The following GSR variants were observed in gnomAD, a reference collection of about 807,000 sequenced individuals.
GSR encodes glutathione reductase, mitochondrial.
Under a neutral mutation model 56.5 loss-of-function variants are expected in GSR, and 48 were observed. The ratio of observed to expected loss-of-function variants is 0.85; its 90% confidence interval spans 0.67 to 1.08. The LOEUF is 1.08. Ranked by LOEUF, GSR falls within the 50% of genes least tolerant of loss-of-function variation. The pLI, the probability that GSR is intolerant of heterozygous loss-of-function variation, is 0.00. For missense variants in GSR, 694 were observed against 703.3 expected, an observed-to-expected ratio of 0.99 and a Z score of 0.15; for synonymous variants, 264 against 270.8, an observed-to-expected ratio of 0.97 and a Z score of 0.25.
chr8:30,696,884 A>G (rs1803561095), intron 6 of GSR, among the ~76,000 whole-genome samples: 1 of 152,122 alleles, frequency 6.6e-6, no homozygotes, highest in Admixed American at 6.6e-5. Context: ...TCTTTTGTAG[A>G]GACAGAGTCT....
At chr8:30,713,366 GT>G (rs375342804) in intron 1 of GSR, among the ~76,000 whole-genome samples, 11 of 147,012 alleles carry the variant, frequency 7.5e-5, no homozygotes, top group Admixed American at 2.1e-4. Context: ...TTGTTTGGTT[GT>G]TTTTTTTTTG....
At chr8:30,718,224 T>C (rs1000014435) in intron 1 of GSR, among the ~76,000 whole-genome samples, 1 of 152,136 alleles carries the variant, frequency 6.6e-6, no homozygotes, top group African/African-American at 2.4e-5. Context: ...ACAAAACTGG[T>C]TCCTGGTGCC....
At chr8:30,723,668 T>C (rs1804626661) in intron 1 of GSR, among the ~76,000 whole-genome samples, 1 of 151,988 alleles carries the variant, frequency 6.6e-6, no homozygotes, top group Admixed American at 6.6e-5. Flanking sequence ...GGCCTGCGCC[T>C]GTAGTCCCAG....
At chr8:30,681,191 C>T (rs1802944237) in intron 11 of GSR, among the ~76,000 whole-genome samples, 154 bp from the exon 12 acceptor site, 1 of 152,130 alleles carries the variant, frequency 6.6e-6, no homozygotes, top group Non-Finnish European at 1.5e-5. Context: ...AAATAAATGT[C>T]AGTGTCATAT....
chr8:30,688,293 G>A (rs1803229731), intron 9 of GSR, among the ~76,000 whole-genome samples: 1 of 152,170 alleles, frequency 6.6e-6, no homozygotes, highest in African/African-American at 2.4e-5. Flanking sequence ...AGAGGTGGCA[G>A]GCCGGCTGGG....
intron 1 of GSR, among the ~76,000 whole-genome samples, chr8:30,724,888 T>TA (rs1804675451): frequency 6.6e-6 from 1 of 152,074 alleles, no homozygotes; most frequent in Admixed American, 6.6e-5. Flanking sequence ...TTACATAAGA[T>TA]AAAGTAAAAG....
At chr8:30,717,727 C>T (rs1267390763) in intron 1 of GSR, among the ~76,000 whole-genome samples, 3 of 152,026 alleles carry the variant, frequency 2.0e-5, no homozygotes, top group African/African-American at 7.3e-5. Context: ...AGGGCTCCGT[C>T]GGAGTCTAGT....
intron 1 of GSR, among the ~76,000 whole-genome samples, chr8:30,726,622 G>C (rs148374221): frequency 4.9e-4 from 75 of 152,076 alleles, no homozygotes; most frequent in African/African-American, 1.7e-3. Flanking sequence ...TTAACTAGGC[G>C]TGGTGATTAG....
At chr8:30,725,912 A>G (rs1471333019) in intron 1 of GSR, among the ~76,000 whole-genome samples, 1 of 151,758 alleles carries the variant, frequency 6.6e-6, no homozygotes, top group Non-Finnish European at 1.5e-5. Flanking sequence ...AATTCATAAC[A>G]GGAAGGTAAA....
chr8:30,713,516 G>C (rs1030720103), intron 1 of GSR, among the ~76,000 whole-genome samples: 2 of 151,646 alleles, frequency 1.3e-5, no homozygotes, highest in African/African-American at 2.4e-5. Flanking sequence ...CTGCCATCCT[G>C]CCTGGCTAAT....
chr8:30,679,997 G>A (rs1262849132), intron 12 of GSR, among the ~76,000 whole-genome samples: 2 of 152,010 alleles, frequency 1.3e-5, no homozygotes, highest in South Asian at 2.1e-4. Context: ...GAGCCACGGT[G>A]TCTGACTGAT....
At chr8:30,681,901 C>A (rs1388885978) in intron 11 of GSR, 29 bp downstream of exon 11, 2 of 1,610,704 alleles carry the variant, frequency 1.2e-6, no homozygotes, top group Admixed American at 1.7e-5. Context: ...AAGGAAACCA[C>A]AAATGACCTT....
At chr8:30,724,029 C>G (rs908711669) in intron 1 of GSR, among the ~76,000 whole-genome samples, 1 of 152,144 alleles carries the variant, frequency 6.6e-6, no homozygotes, top group Non-Finnish European at 1.5e-5. Context: ...CTTCCCCAAG[C>G]GTTAGAAATT....
rs1444191281 is a variant in GSR, at chr8:30,678,371, T to A, written c.*1149A>T. On this transcript the variant is annotated 3_prime_UTR_variant, in exon 13 of 13. Coordinates refer to ENST00000221130, the MANE Select transcript of GSR (RefSeq NM_000637.5). ...TATATATATATATATTTTTTTTTTT[T>A]TTTTTTGAGACAGGGTCTTGCTCTG... is the stretch of plus-strand genomic sequence containing the variant. 6.8e-6 allele frequency: 1 copy of A among 146,536 alleles called. No individual in the cohort carries two copies. Among genetic ancestry groups the A allele is most frequent in the African/African-American group, 2.5e-5 (1 of 40,122 alleles). The allele number at this position is 146,536 out of a possible 1,614,324, so 9.1% of individuals were successfully genotyped here. A position where few individuals can be genotyped will look rare whatever the true frequency, so the allele number is the denominator to read the frequency against.
In GSR at chr8:30,693,060, A is replaced by G. The variant is rs760202730; in HGVS notation, c.796-5T>C. 3 of 1,570,112 alleles carry G rather than the reference A, an allele frequency of 1.9e-6. No homozygotes were observed. Among genetic ancestry groups the G allele is most frequent in the South Asian group, 2.2e-5 (2 of 90,276 alleles). ...TGAATCAAAACTTCTAAGTACCTGC[A>G]TATCAACATAGGGATGGGTAATGCG... On this transcript the variant is annotated splice_polypyrimidine_tract_variant and splice_region_variant and intron_variant, in intron 7 of 12. Coordinates refer to ENST00000221130, the MANE Select transcript of GSR (RefSeq NM_000637.5).
chr8:30,722,731 CAAAA>C (rs200083922), intron 1 of GSR, among the ~76,000 whole-genome samples: 2 of 112,726 alleles, frequency 1.8e-5, no homozygotes, highest in African/African-American at 4.2e-5. Flanking sequence ...GACCCTGTCT[CAAAA>C]AAAAAAAAAA....
intron 7 of GSR, among the ~76,000 whole-genome samples, chr8:30,694,244 G>C (rs1023082937): frequency 6.6e-6 from 1 of 152,104 alleles, no homozygotes; most frequent in African/African-American, 2.4e-5. Context: ...TAGAATCATA[G>C]CATCTTGGTA....
At chr8:30,681,652 T>C (rs1192495127) in intron 11 of GSR, among the ~76,000 whole-genome samples, 1 of 152,042 alleles carries the variant, frequency 6.6e-6, no homozygotes, top group Non-Finnish European at 1.5e-5. Flanking sequence ...GAGGAGTCCT[T>C]TGTATTATTT....
At chr8:30,710,041 C>A in intron 2 of GSR, 139 bp from the exon 3 acceptor site, 1 of 650,046 alleles carries the variant, frequency 1.5e-6, no homozygotes, top group Non-Finnish European at 2.7e-6. Context: ...CCTAGCTGGG[C>A]ACGGCAGCTC....
Sources: gnomAD v4.1 joint callset for allele counts (sites outside exome capture counted in the v4.1 genomes callset) on GRCh38, gnomAD v4.1.1 for gene constraint, MANE v1.5 for transcripts, NCBI Gene and HGNC (gene_info 2026-07-23, HGNC 2026-07-21) for gene names.